ZNF385D: variants seen among roughly 807,000 people sequenced by gnomAD.
ZNF385D encodes zinc finger protein 385D, also known as zinc finger protein 659.
In ZNF385D, 15 loss-of-function variants were observed where a neutral mutation model predicts 35.8. That is an observed-to-expected ratio of 0.42 (90% confidence interval 0.28 to 0.64). The LOEUF (loss-of-function observed/expected upper bound fraction) is 0.64. Ranked by LOEUF, ZNF385D falls within the 30% of genes least tolerant of loss-of-function variation. ZNF385D has a pLI of 0.23. For synonymous variants in ZNF385D, 212 were observed against 186.8 expected (o/e 1.13, Z -1.10); for missense variants, 474 against 494.6 (o/e 0.96, Z 0.39).
intron 3 of ZNF385D, among the ~76,000 whole-genome samples, chr3:21,820,700 CTG>C (rs2073359383): frequency 1.3e-5 from 2 of 149,972 alleles, no homozygotes; most frequent in African/African-American, 4.9e-5. Context: ...AATAGAGGGA[CTG>C]TATAAATAAG....
intron 2 of ZNF385D, among the ~76,000 whole-genome samples, chr3:22,313,581 A>G (rs777516802): frequency 1.3e-5 from 2 of 152,100 alleles, no homozygotes; most frequent in Non-Finnish European, 2.9e-5. Context: ...CAACTCAAGA[A>G]TTTTATGGTT....
At chr3:21,785,671 C>T (rs748307477) in intron 3 of ZNF385D, among the ~76,000 whole-genome samples, 6 of 152,164 alleles carry the variant, frequency 3.9e-5, no homozygotes, top group African/African-American at 9.7e-5. Context: ...CATTTTGCTA[C>T]ATTGTTTCTC....
At chr3:22,201,258 G>T (rs1425687008) in intron 2 of ZNF385D, among the ~76,000 whole-genome samples, 6 of 152,080 alleles carry the variant, frequency 3.9e-5, no homozygotes, top group African/African-American at 1.2e-4. Flanking sequence ...GCTTCAGCCG[G>T]TCCCTTCATT....
rs542946294 is a variant in ZNF385D at position 22,171,705 on chromosome 3, T to C, written c.107-2670A>G. Among the ~76,000 whole-genome samples, 5 of 151,690 alleles carry C rather than the reference T, an allele frequency of 3.3e-5. 1 individual carries two copies. In the South Asian group the frequency reaches 1.0e-3, roughly 32 times the overall value. On this transcript the variant is annotated intron_variant, in intron 2 of 5. Coordinates refer to the ZNF385D transcript ENST00000494108. ...TCGTGGCTAACACAGTGAAATCCCGTCTCTACTAAAAAATACAAGAAATTA... is the reference window on the plus strand; with the variant it reads ...TCGTGGCTAACACAGTGAAATCCCGCCTCTACTAAAAAATACAAGAAATTA...
intron 2 of ZNF385D, among the ~76,000 whole-genome samples, chr3:22,205,524 A>G (rs186441104): frequency 6.6e-6 from 1 of 152,200 alleles, no homozygotes. Context: ...TATCTTAAGC[A>G]GAAAGATGAA....
intron 3 of ZNF385D, among the ~76,000 whole-genome samples, chr3:22,133,186 T>G (rs13325824): frequency 0.021 from 3,178 of 152,272 alleles, 39 homozygotes; most frequent in Non-Finnish European, 0.026. Flanking sequence ...AACAAAGGAT[T>G]TGGATTCTTA....
intron 2 of ZNF385D, among the ~76,000 whole-genome samples, chr3:21,589,835 A>G (rs768302432): frequency 2.8e-4 from 43 of 152,200 alleles, no homozygotes; most frequent in Non-Finnish European, 8.8e-5. Flanking sequence ...AAAAAAATGT[A>G]TAACAGTAGC....
intron 3 of ZNF385D, among the ~76,000 whole-genome samples, chr3:22,069,590 G>A (rs574181154): frequency 2.4e-4 from 36 of 152,154 alleles, no homozygotes; most frequent in Admixed American, 2.4e-3. Context: ...CTGTGTTTTA[G>A]AATGGTATCT....
At chr3:21,945,159 C>T (rs75383965) in intron 3 of ZNF385D, among the ~76,000 whole-genome samples, 6 of 88,430 alleles carry the variant, frequency 6.8e-5, no homozygotes, top group African/African-American at 1.0e-4. Context: ...TATATATACA[C>T]ACACATATAT....
chr3:21,770,873 A>T lies in ZNF385D; in HGVS notation c.326-105845T>A, dbSNP rs181818665. ...AACAATGATAGATTGGATTAAGAAA[A>T]TGTGGCACATATACACCATGGAATA... On this transcript the variant is annotated intron_variant, in intron 3 of 5. Coordinates refer to the ZNF385D transcript ENST00000494108. Among the ~76,000 whole-genome samples, 709 of 152,290 alleles carry T rather than the reference A, an allele frequency of 4.7e-3. 5 individuals are homozygous for T. Among genetic ancestry groups the T allele is most frequent in the Non-Finnish European group, 7.9e-3 (536 of 68,020 alleles).
At chr3:21,941,236 TTA>T (rs1328517693) in intron 3 of ZNF385D, among the ~76,000 whole-genome samples, 1 of 152,144 alleles carries the variant, frequency 6.6e-6, no homozygotes, top group Non-Finnish European at 1.5e-5. Context: ...CTTATGGAAT[TTA>T]TATGTTACTA....
At chr3:21,666,564 G>A (rs535263786) in intron 1 of ZNF385D, among the ~76,000 whole-genome samples, 2 of 152,196 alleles carry the variant, frequency 1.3e-5, no homozygotes, top group East Asian at 1.9e-4. Flanking sequence ...AGATAACAAC[G>A]AAATATAATA....
intron 3 of ZNF385D, among the ~76,000 whole-genome samples, chr3:21,828,259 C>T (rs1694779120): frequency 6.6e-6 from 1 of 152,104 alleles, no homozygotes. Flanking sequence ...GTCATGTAGT[C>T]ACATATATTC....
intron 1 of ZNF385D, among the ~76,000 whole-genome samples, chr3:21,666,601 CT>C (rs1255945557): frequency 3.0e-4 from 45 of 152,286 alleles, no homozygotes; most frequent in African/African-American, 1.0e-3. Context: ...AGCACACACA[CT>C]ATAAACTTAG....
At chr3:21,494,571 A>G (rs1399737585) in intron 4 of ZNF385D, among the ~76,000 whole-genome samples, 4 of 151,942 alleles carry the variant, frequency 2.6e-5, no homozygotes, top group African/African-American at 9.7e-5. Flanking sequence ...CGCCACTCAA[A>G]CTCTAGCTCC....
At chr3:22,086,459 A>G (rs1204870029) in intron 3 of ZNF385D, among the ~76,000 whole-genome samples, 2 of 152,198 alleles carry the variant, frequency 1.3e-5, no homozygotes, top group Admixed American at 6.5e-5. Context: ...ATTGCTTCAA[A>G]GAGAATAAAA....
At chr3:22,105,923 CTAATT>C (rs3082876) in intron 3 of ZNF385D, among the ~76,000 whole-genome samples, 18,768 of 152,094 alleles carry the variant, frequency 0.12, 1,442 homozygotes, top group Middle Eastern at 0.21. Context: ...GTGAATTTAT[CTAATT>C]TAATAGTACA....
intron 3 of ZNF385D, among the ~76,000 whole-genome samples, chr3:22,165,492 G>C (rs1031097615): frequency 6.6e-6 from 1 of 152,066 alleles, no homozygotes; most frequent in Non-Finnish European, 1.5e-5. Flanking sequence ...GCAAAATCAT[G>C]TGGGAAAATA....
chr3:22,362,116 A>G (rs1696437029), intron 2 of ZNF385D, among the ~76,000 whole-genome samples: 1 of 151,584 alleles, frequency 6.6e-6, no homozygotes, highest in Non-Finnish European at 1.5e-5. Context: ...TGAATTATGG[A>G]AACTTTTACT....
Sources: allele counts gnomAD v4.1 joint callset (sites outside exome capture counted in the v4.1 genomes callset), GRCh38; gene constraint gnomAD v4.1.1; transcripts MANE v1.5; gene names NCBI Gene and HGNC (gene_info 2026-07-23, HGNC 2026-07-21).